The following S100Z variants were observed in gnomAD, a reference collection of about 807,000 sequenced individuals.
S100Z encodes the protein protein S100-Z.
Under a neutral mutation model 8.5 loss-of-function variants are expected in S100Z, and 11 were observed. The ratio of observed to expected loss-of-function variants is 1.30; its 90% CI spans 0.82 to 2.15. The LOEUF (loss-of-function observed/expected upper bound fraction) is 2.15, where lower values mean the gene tolerates loss of function less well. Ranked by LOEUF, S100Z falls within the 30% of genes most tolerant of loss-of-function variation. The probability of loss-of-function intolerance (pLI) is 0.00; values close to 1 mark genes in which losing one functional copy is unlikely to be tolerated. For synonymous variants in S100Z, 34 were observed against 43.8 expected (o/e 0.78, Z 0.89); for missense variants, 126 against 117.9 (o/e 1.07, Z -0.32).
At chr5:76,899,720 G>A (rs987649368) in intron 4 of S100Z, among the ~76,000 whole-genome samples, 2 of 152,072 alleles carry the variant, frequency 1.3e-5, no homozygotes, top group African/African-American at 4.8e-5. Context: ...AAAAGTTGTT[G>A]TAGTTATTAT....
intron 4 of S100Z, among the ~76,000 whole-genome samples, chr5:76,902,102 T>C (rs1298907777): frequency 6.6e-6 from 1 of 152,030 alleles, no homozygotes; most frequent in Non-Finnish European, 1.5e-5. Context: ...CAAAATCCTC[T>C]CCACTCTTCC....
chr5:76,912,693 G>C (rs933217819), intron 4 of S100Z, among the ~76,000 whole-genome samples: 1 of 152,256 alleles, frequency 6.6e-6, no homozygotes, highest in Non-Finnish European at 1.5e-5. Context: ...AAATCATGGA[G>C]TGATTGCACT....
rs1267092917 is a variant in S100Z, at chr5:76,863,308, A to ACTCACT, written c.-175-6856_-175-6851dup. 2.0e-5 allele frequency among the ~76,000 whole-genome samples: 3 copies of ACTCACT among 152,154 alleles called. No individual in the cohort carries two copies. The East Asian group carries it at 5.8e-4, about 29-fold the overall frequency. ...CACACCAGTGTGCACACACACAAGC[A>ACTCACT]CTCACTCACACAGTGGTCCTTAACA... is the stretch of plus-strand genomic sequence containing the variant. On this transcript the variant is annotated intron_variant, in intron 1 of 4. Transcript: ENST00000317593.
chr5:76,882,266 A>G (rs916927103), intron 4 of S100Z, among the ~76,000 whole-genome samples: 2 of 152,220 alleles, frequency 1.3e-5, no homozygotes, highest in Non-Finnish European at 2.9e-5. Context: ...GCACACAGAC[A>G]TGAAGGCTAG....
intron 1 of S100Z, among the ~76,000 whole-genome samples, chr5:76,854,987 C>T (rs1403561203): frequency 6.6e-6 from 1 of 152,250 alleles, no homozygotes; most frequent in Non-Finnish European, 1.5e-5. Flanking sequence ...GCTCAAAGTT[C>T]CTGCCACTTC....
rs1744970942 is a variant in S100Z, at chr5:76,919,568, CTCTCTCTCTCTCTT to C, written c.*3-1140_*3-1127del. ...CCTCCCTCCCTTCCTTCCTTCCTTT[CTCTCTCTCTCTCTT>C]TCTCTCTCCCTCTCTTTCTTTTTCT... is the stretch of plus-strand genomic sequence containing the variant. On this transcript the variant is annotated intron_variant, in intron 4 of 4. Transcript: ENST00000317593. 5.1e-5 allele frequency among the ~76,000 whole-genome samples: 3 copies of C among 59,304 alleles called. No individual in the cohort carries two copies. The South Asian group carries it at 1.4e-3, about 28-fold the overall frequency. The allele number at this position is 59,304 out of a possible 152,430, so 38.9% of individuals were successfully genotyped here. A position where few individuals can be genotyped will look rare whatever the true frequency, so the allele number is the denominator to read the frequency against.
At chr5:76,920,199 A>G (rs1700655) in intron 4 of S100Z, among the ~76,000 whole-genome samples, 107,288 of 151,822 alleles carry the variant, frequency 0.71, 39,032 homozygotes, top group African/African-American at 0.88. Context: ...ATGAGCCACC[A>G]CGCCCGGCTC....
At chr5:76,898,119 C>T (rs967072058) in intron 4 of S100Z, among the ~76,000 whole-genome samples, 7 of 151,334 alleles carry the variant, frequency 4.6e-5, no homozygotes, top group Non-Finnish European at 5.9e-5. Context: ...AGCTATGGGT[C>T]TGTCATATAT....
At chr5:76,858,932 G>T (rs559683252) in intron 1 of S100Z, among the ~76,000 whole-genome samples, 1 of 152,088 alleles carries the variant, frequency 6.6e-6, no homozygotes, top group Non-Finnish European at 1.5e-5. Flanking sequence ...CCAACATGGT[G>T]AAGTGTTGTC....
At chr5:76,850,583 G>A (rs1448332807) in intron 1 of S100Z, among the ~76,000 whole-genome samples, 6 of 152,124 alleles carry the variant, frequency 3.9e-5, no homozygotes, top group Non-Finnish European at 5.9e-5. Context: ...CCGTGATTTC[G>A]CTTCTTTTTC....
chr5:76,939,884 G>T, the S100Z span, among the ~76,000 whole-genome samples: 1 of 151,994 alleles, frequency 6.6e-6, no homozygotes, highest in Admixed American at 6.5e-5. Context: ...ACTGGGCCAG[G>T]CGCGGTGGCT....
chr5:76,875,531 A>C (rs561924265), intron 3 of S100Z, 31 bp downstream of exon 3: 2 of 1,577,072 alleles, frequency 1.3e-6, no homozygotes, highest in Admixed American at 1.8e-5. Flanking sequence ...TGCTGTATTC[A>C]TTTGAGGGTA....
intron 2 of S100Z, among the ~76,000 whole-genome samples, chr5:76,874,032 C>CT (rs1303450821): frequency 4.4e-5 from 4 of 90,150 alleles, no homozygotes; most frequent in Admixed American, 1.2e-4. Context: ...CTGTTCTACC[C>CT]TTTCCCCCCT....
chr5:76,866,765 A>G (rs935361165), intron 1 of S100Z, among the ~76,000 whole-genome samples: 3 of 152,196 alleles, frequency 2.0e-5, no homozygotes, highest in Non-Finnish European at 2.9e-5. Flanking sequence ...GTGTAAGTAT[A>G]CCCTATGATG....
At chr5:76,893,406 G>T (rs1330174693) in intron 4 of S100Z, among the ~76,000 whole-genome samples, 1 of 152,086 alleles carries the variant, frequency 6.6e-6, no homozygotes, top group Non-Finnish European at 1.5e-5. Context: ...TAGCTGGTGT[G>T]GTGGCACATG....
At chr5:76,886,215 G>A (rs1012075566) in intron 4 of S100Z, among the ~76,000 whole-genome samples, 1 of 152,160 alleles carries the variant, frequency 6.6e-6, no homozygotes, top group Non-Finnish European at 1.5e-5. Flanking sequence ...AATCAGGCAG[G>A]CGACCTGCAA....
chr5:76,913,763 G>A (rs1744753092), intron 4 of S100Z, among the ~76,000 whole-genome samples: 1 of 152,222 alleles, frequency 6.6e-6, no homozygotes, highest in Admixed American at 6.5e-5. Context: ...TCACTGCTGA[G>A]AAAGGAGATC....
At chr5:76,945,804 T>C in the S100Z span, among the ~76,000 whole-genome samples, 1 of 152,156 alleles carries the variant, frequency 6.6e-6, no homozygotes, top group Non-Finnish European at 1.5e-5. Flanking sequence ...CCGGTGCCGG[T>C]GCTGGTCCTC....
chr5:76,933,286 G>C, the S100Z span, among the ~76,000 whole-genome samples: 1 of 152,196 alleles, frequency 6.6e-6, no homozygotes, highest in Admixed American at 6.5e-5. Flanking sequence ...GGATAGCATG[G>C]AAAGAAAAAC....
Sources: allele counts gnomAD v4.1 joint callset (sites outside exome capture counted in the v4.1 genomes callset), GRCh38; gene constraint gnomAD v4.1.1; transcripts MANE v1.5; gene names NCBI Gene and HGNC (gene_info 2026-07-23, HGNC 2026-07-21).